TNKS: variants seen among roughly 807,000 people sequenced by gnomAD.
TNKS encodes the protein tankyrase, also known as poly [ADP-ribose] polymerase tankyrase-1.
A neutral mutation model predicts 135.8 loss-of-function variants in TNKS; 72 were observed. That is an observed-to-expected ratio of 0.53 (90% CI 0.44 to 0.64). The LOEUF (loss-of-function observed/expected upper bound fraction) is 0.64, where lower values mean the gene tolerates loss of function less well. Ranked by LOEUF, TNKS falls within the 30% of genes least tolerant of loss-of-function variation. TNKS has a pLI of 0.00. For missense variants in TNKS, 1,769 were observed against 1,674.0 expected, an observed-to-expected ratio of 1.06 and a Z score of -0.99; for synonymous variants, 849 against 649.3, an observed-to-expected ratio of 1.31 and a Z score of -4.68.
chr8:9,612,045 G>A (rs1424528050), intron 2 of TNKS, among the ~76,000 whole-genome samples: 1 of 152,068 alleles, frequency 6.6e-6, no homozygotes, highest in Non-Finnish European at 1.5e-5. Flanking sequence ...AACTTTAAAA[G>A]CATTATCAGA....
chr8:9,709,054 G>A (rs1480706922), intron 9 of TNKS, among the ~76,000 whole-genome samples: 1 of 152,038 alleles, frequency 6.6e-6, no homozygotes, highest in Non-Finnish European at 1.5e-5. Context: ...ACACATTAAG[G>A]CTCAGCTAGA....
intron 20 of TNKS, among the ~76,000 whole-genome samples, chr8:9,759,088 G>C (rs374741574): frequency 6.6e-6 from 1 of 152,312 alleles, no homozygotes; most frequent in East Asian, 1.9e-4. Context: ...GCAAGAGAAA[G>C]ATGATCTGCT....
At chr8:9,672,079 C>A (rs1437306650) in intron 3 of TNKS, among the ~76,000 whole-genome samples, 1 of 152,182 alleles carries the variant, frequency 6.6e-6, no homozygotes, top group South Asian at 2.1e-4. Context: ...CACTTGTGTG[C>A]AAGTAATCCT....
intron 3 of TNKS, among the ~76,000 whole-genome samples, chr8:9,639,988 G>A (rs1163997777): frequency 1.3e-5 from 2 of 152,146 alleles, no homozygotes; most frequent in African/African-American, 4.8e-5. Context: ...GAAAAGCATC[G>A]TGGGCTGCTA....
At chr8:9,586,773 G>A (rs997585955) in intron 2 of TNKS, among the ~76,000 whole-genome samples, 2 of 149,608 alleles carry the variant, frequency 1.3e-5, no homozygotes, top group African/African-American at 2.5e-5. Context: ...ATGAAGTTAG[G>A]TGGTAAATAA....
rs1808331422 is a variant in TNKS at position 9,778,565 on chromosome 8, T to C, written c.*1829T>C. The C allele has an allele frequency of 6.6e-6, 1 of 152,668 alleles. No homozygotes were observed. The highest frequency in any genetic ancestry group is 2.1e-4 in the South Asian group (1 of 4,832). 9.5% of individuals were successfully genotyped at this position (152,668 alleles called of 1,614,324 possible). The stretch of plus-strand genomic sequence containing the variant: ...TAAATCGAGAATTAGCCTCAGTTGT[T>C]GCTTCTTTTGAAGTTTCAGTGACCC... On this transcript the variant is annotated 3_prime_UTR_variant, in exon 27 of 27. Transcript: ENST00000310430.
intron 3 of TNKS, among the ~76,000 whole-genome samples, chr8:9,671,398 C>T (rs1041516662): frequency 6.6e-5 from 10 of 152,072 alleles, no homozygotes; most frequent in African/African-American, 2.4e-4. Context: ...TGAGATACAT[C>T]CATATAATGG....
intron 3 of TNKS, among the ~76,000 whole-genome samples, chr8:9,621,741 G>A (rs891587902): frequency 2.0e-5 from 3 of 152,072 alleles, no homozygotes; most frequent in Non-Finnish European, 2.9e-5. Flanking sequence ...TGAACTTAAA[G>A]AATTACTTAT....
intron 1 of TNKS, chr8:9,558,214 G>A (rs149959321): frequency 2.0e-5 from 3 of 152,256 alleles, no homozygotes; most frequent in African/African-American, 7.2e-5. Context: ...AATGCTGCTT[G>A]TGATCCATTA....
At chr8:9,612,656 T>C (rs1465071767) in intron 2 of TNKS, among the ~76,000 whole-genome samples, 2 of 152,174 alleles carry the variant, frequency 1.3e-5, no homozygotes, top group Non-Finnish European at 2.9e-5. Flanking sequence ...GCCATGCTCA[T>C]TCATTTAAAT....
intron 26 of TNKS, among the ~76,000 whole-genome samples, chr8:9,774,836 C>G (rs1016490947): frequency 6.6e-6 from 1 of 152,182 alleles, no homozygotes; most frequent in Non-Finnish European, 1.5e-5. Context: ...TCCTTTGCTT[C>G]AACAGCTTTT....
At chr8:9,660,227 A>G (rs1801629766) in intron 3 of TNKS, among the ~76,000 whole-genome samples, 1 of 152,204 alleles carries the variant, frequency 6.6e-6, no homozygotes, top group South Asian at 2.1e-4. Context: ...ATCCTCCCTA[A>G]CTCATTTTAT....
intron 3 of TNKS, among the ~76,000 whole-genome samples, chr8:9,621,577 A>G (rs1180646124): frequency 3.3e-5 from 5 of 150,442 alleles, no homozygotes; most frequent in Non-Finnish European, 5.9e-5. Flanking sequence ...AAGTGCTGGA[A>G]TTACAGGCTT....
At chr8:9,606,088 T>C (rs767372757) in intron 2 of TNKS, among the ~76,000 whole-genome samples, 12 of 142,252 alleles carry the variant, frequency 8.4e-5, no homozygotes, top group Non-Finnish European at 1.8e-4. Context: ...TTAAGTCTTT[T>C]ATGTCAAGTC....
intron 12 of TNKS, among the ~76,000 whole-genome samples, chr8:9,721,311 T>TATATATATATATATATATAA (rs1412056948): frequency 4.1e-5 from 6 of 145,128 alleles, no homozygotes; most frequent in Non-Finnish European, 7.6e-5. Flanking sequence ...TATATATATA[T>TATATATATATATATATATAA]AAAATTATAA....
chr8:9,764,609 A>T (rs34263905), intron 22 of TNKS, 107 bp from the exon 23 acceptor site: 1 of 721,186 alleles, frequency 1.4e-6, no homozygotes. Context: ...TTGTTCATCA[A>T]TTTATAGTGA....
chr8:9,584,933 A>G (rs1798311866), intron 2 of TNKS, among the ~76,000 whole-genome samples: 1 of 152,164 alleles, frequency 6.6e-6, no homozygotes, highest in Non-Finnish European at 1.5e-5. Flanking sequence ...ACTGTGGAAT[A>G]CCCCAACATC....
chr8:9,619,599 A>G (rs1237105595), intron 3 of TNKS, among the ~76,000 whole-genome samples: 6 of 152,120 alleles, frequency 3.9e-5, no homozygotes, highest in South Asian at 2.1e-4. Context: ...AGGTGTCTCA[A>G]GAATAAATTA....
chr8:9,612,704 C>T (rs544648642), intron 2 of TNKS, among the ~76,000 whole-genome samples: 2 of 151,914 alleles, frequency 1.3e-5, no homozygotes, highest in African/African-American at 2.4e-5. Flanking sequence ...ATGGTAGAGT[C>T]GAGGGAGGGA....
Sources: gnomAD v4.1 joint callset for allele counts (sites outside exome capture counted in the v4.1 genomes callset) on GRCh38, gnomAD v4.1.1 for gene constraint, MANE v1.5 for transcripts, NCBI Gene and HGNC (gene_info 2026-07-23, HGNC 2026-07-21) for gene names.